The following DISP3 variants were observed in gnomAD, a reference collection of about 807,000 sequenced individuals.
DISP3 encodes the protein dispatched RND transporter family member 3.
In DISP3, 101 loss-of-function variants were observed where a neutral mutation model predicts 135.3. The observed-to-expected ratio is 0.75, with a 90% CI of 0.64 to 0.88. The LOEUF (loss-of-function observed/expected upper bound fraction) is 0.88. Among genes scored for constraint, DISP3 ranks in the 40% least tolerant of loss-of-function variants. The pLI, the probability that DISP3 is intolerant of heterozygous loss-of-function variation, is 0.00. For missense variants in DISP3, 1,713 were observed against 1,878.6 expected (o/e 0.91, Z 1.63); for synonymous variants, 856 against 817.0 (o/e 1.05, Z -0.81).
rs201820638 is a variant in DISP3, at chr1:11,536,541, C to T, written c.4034C>T (p.Ala1345Val). 39 of 1,612,776 alleles carry T rather than the reference C, an allele frequency of 2.4e-5. No homozygotes were observed. Among genetic ancestry groups the T allele is most frequent in the Admixed American group, 5.0e-5 (3 of 60,010 alleles). ...TVSTALLGIM[A>V]PSSFTRTRTS... Reference sequence around the variant, plus strand: ...AGCACCGCCCTGCTGGGCATCATGGCGCCCAGCTCTTTCACTCGGACCCGG... The same window carrying T: ...AGCACCGCCCTGCTGGGCATCATGGTGCCCAGCTCTTTCACTCGGACCCGG... Residue 1345 changes from alanine (A) to valine (V), a missense_variant, in exon 21 of 21, where the codon GCG (alanine) becomes GTG (valine). This residue lies in a region of DISP3 where 1,142 missense variants were observed against 1,384.6 expected (regional missense o/e 0.82). Coordinates refer to ENST00000294484, the MANE Select transcript of DISP3 (RefSeq NM_020780.2). This position sits in a 1 kb window ranked among gnomAD's most constrained non-coding sequence, Gnocchi z 4.3.
rs756766470 is a variant in DISP3 at position 11,519,437 on chromosome 1, C to G, written c.1972C>G (p.Pro658Ala). ...CGCTCCCGAGCAGGTTGGAGGCAGC[C>G]CTGCCCAGGGCCCCATACCCTACCT... Reference protein sequence around the residue: ...FAAPEQVGGSPAQGPIPYLDD... With the variant: ...FAAPEQVGGSAAQGPIPYLDD... The change falls in exon 8 of 21, where the codon CCT (proline) becomes GCT (alanine). Residue 658 changes from proline (P) to alanine (A), a missense_variant. Pro to Ala is a conservative substitution (Grantham distance 27). Transcript: ENST00000294484. This position sits in a 1 kb window ranked among gnomAD's most constrained non-coding sequence, Gnocchi z 4.3. 6 of 1,613,812 alleles carry G rather than the reference C, an allele frequency of 3.7e-6. No individual in the cohort carries two copies. The highest frequency in any genetic ancestry group is 1.3e-5 in the African/African-American group (1 of 75,044).
chr1:11,516,024 A>G lies in DISP3; in HGVS notation c.1612A>G (p.Ile538Val), dbSNP rs775185756. 1 of 1,613,984 alleles carries G rather than the reference A, an allele frequency of 6.2e-7. No individual in the cohort carries two copies. Among genetic ancestry groups the G allele is most frequent in the South Asian group, 1.1e-5 (1 of 91,066 alleles). ...GIGVDDVFVF[I>V]NTYRQATHLE... ...AGGTGTGGACGATGTCTTTGTGTTC[A>G]TCAACACCTACCGCCAGGCCACCCA... The change falls in exon 6 of 21, where the codon ATC (isoleucine) becomes GTC (valine). Residue 538 changes from isoleucine to valine, a missense_variant. Around this residue, in one of 2 missense-constraint regions of DISP3, gnomAD observed 1,142 missense variants for 1,384.6 expected, o/e 0.82. Coordinates refer to ENST00000294484, the MANE Select transcript of DISP3 (RefSeq NM_020780.2). This position sits in a 1 kb window ranked among gnomAD's most constrained non-coding sequence, Gnocchi z 5.1.
At position 11,510,302 on chromosome 1, in the gene DISP3, A is replaced by G. The variant is rs143856353; in HGVS notation, c.1317-4088A>G. On this transcript the variant is annotated intron_variant, in intron 3 of 20. Coordinates refer to ENST00000294484, the MANE Select transcript of DISP3 (RefSeq NM_020780.2). ...TGAATGTTTTTTATGATTCTATTTTATCTCCTTTGTTGGCTTTTATGTTGT... is the reference window on the plus strand; with the variant it reads ...TGAATGTTTTTTATGATTCTATTTTGTCTCCTTTGTTGGCTTTTATGTTGT... Among the ~76,000 whole-genome samples, 817 of 151,760 alleles carry G rather than the reference A, an allele frequency of 5.4e-3. 2 individuals carry two copies. Among genetic ancestry groups the G allele is most frequent in the Non-Finnish European group, 8.5e-3 (578 of 67,898 alleles).
intron 13 of DISP3, among the ~76,000 whole-genome samples, chr1:11,527,547 C>CAAAA (rs35666879): frequency 8.1e-6 from 1 of 123,314 alleles, no homozygotes; most frequent in Non-Finnish European, 1.7e-5. Context: ...GACTCCATCT[C>CAAAA]AAAAAAAAAA....
chr1:11,488,782 G>GAGA (rs1474228238), intron 1 of DISP3, among the ~76,000 whole-genome samples: 2 of 152,188 alleles, frequency 1.3e-5, no homozygotes, highest in Non-Finnish European at 2.9e-5. Context: ...CTACCACAGT[G>GAGA]AGAAGGGTAC....
chr1:11,489,493 C>T (rs186443346), intron 1 of DISP3, among the ~76,000 whole-genome samples: 3 of 152,340 alleles, frequency 2.0e-5, no homozygotes, highest in South Asian at 2.1e-4. Context: ...GGCCCCTGTG[C>T]GTGCTCCCCT....
rs890861686 is a variant in DISP3 at position 11,535,193 on chromosome 1, C to T, written c.3649+69C>T. 8.0e-5 allele frequency: 114 copies of T among 1,426,828 alleles called. No individual in the cohort carries two copies. The African/African-American group carries it at 1.2e-3, about 15-fold the overall frequency. The allele number at this position is 1,426,828 out of a possible 1,614,324, so 88.4% of individuals were successfully genotyped here. ...GGAACAGACAGTCTCCCCGGTGGCC[C>T]CAGGTAGCCTCCAGGCCTCTGAACC... On this transcript the variant is annotated intron_variant, in intron 19 of 20. Coordinates refer to ENST00000294484, the MANE Select transcript of DISP3 (RefSeq NM_020780.2).
intron 6 of DISP3, among the ~76,000 whole-genome samples, 170 bp from the exon 7 acceptor site, chr1:11,517,293 T>C (rs1642038794): frequency 6.6e-6 from 1 of 152,226 alleles, no homozygotes; most frequent in Non-Finnish European, 1.5e-5. Flanking sequence ...CCTTGGCTCC[T>C]GGTGTCCTGT....
intron 10 of DISP3, among the ~76,000 whole-genome samples, chr1:11,523,272 G>A (rs556244468): frequency 2.6e-5 from 4 of 152,158 alleles, no homozygotes; most frequent in African/African-American, 9.7e-5. Context: ...AACACACAAC[G>A]CTTGAGGCAA....
chr1:11,485,875 C>A (rs1033651373), intron 1 of DISP3, among the ~76,000 whole-genome samples: 2 of 152,134 alleles, frequency 1.3e-5, no homozygotes, highest in Non-Finnish European at 2.9e-5. Context: ...GGAGATGGGA[C>A]CCAGCTGCCA....
At chr1:11,512,988 A>C (rs1306334445) in intron 3 of DISP3, among the ~76,000 whole-genome samples, 1 of 152,166 alleles carries the variant, frequency 6.6e-6, no homozygotes. Context: ...TAAGTCTAGC[A>C]CGGGAAAGAC....
chr1:11,522,673 ACCCAGCCAGAGCCCAGCCAGGG>A (rs1642251946), intron 10 of DISP3, among the ~76,000 whole-genome samples: 40 of 74,310 alleles, frequency 5.4e-4, no homozygotes, highest in African/African-American at 1.7e-3. Flanking sequence ...CCCAGCCAGG[ACCCAGCCAGAGCCCAGCCAGGG>A]CCCAGCCAGG....
Position 11,531,474 on chromosome 1 carries a change from G to A in DISP3, c.3230-91G>A. On this transcript the variant is annotated intron_variant, in intron 16 of 20. Coordinates refer to ENST00000294484, the MANE Select transcript of DISP3 (RefSeq NM_020780.2). The surrounding 1 kb of genome is among the most constrained non-coding windows in gnomAD (Gnocchi z 5.2). Reference sequence around the variant, plus strand: ...ATGGTTACAAGCACTCTAAGCCTCAGAGGTATGTGAGTGCGTGGGCACAGG... The same window carrying A: ...ATGGTTACAAGCACTCTAAGCCTCAAAGGTATGTGAGTGCGTGGGCACAGG... The A allele has an allele frequency of 6.4e-7, 1 of 1,562,370 alleles. No individual in the cohort carries two copies. The highest frequency in any genetic ancestry group is 8.8e-7 in the Non-Finnish European group (1 of 1,137,266).
chr1:11,518,318 CCAG>C (rs1373495531), intron 7 of DISP3, among the ~76,000 whole-genome samples: 30 of 152,276 alleles, frequency 2.0e-4, no homozygotes, highest in African/African-American at 6.3e-4. Flanking sequence ...AGAGAAGGGC[CCAG>C]CGAGGAGCTT....
rs79128255 is a variant in DISP3 at position 11,502,872 on chromosome 1, G to A, written c.1291G>A (p.Ala431Thr). ...KFQSFVVTYVAMLAKQSTSKV... is the reference protein window; with the variant it reads ...KFQSFVVTYVTMLAKQSTSKV... ...TCAGAGCTTCGTGGTCACCTACGTG[G>A]CCATGCTGGCCAAGCAGTCTACCAG... Residue 431 changes from alanine to threonine, a missense_variant, in exon 3 of 21, where the codon GCC (alanine) becomes ACC (threonine). Coordinates refer to ENST00000294484, the MANE Select transcript of DISP3 (RefSeq NM_020780.2). 3 of 1,613,686 alleles carry A rather than the reference G, an allele frequency of 1.9e-6. No homozygotes were observed. The highest frequency in any genetic ancestry group is 2.5e-6 in the Non-Finnish European group (3 of 1,179,734).
intron 1 of DISP3, among the ~76,000 whole-genome samples, chr1:11,484,798 A>T (rs1256438468): frequency 6.6e-6 from 1 of 152,122 alleles, no homozygotes; most frequent in Non-Finnish European, 1.5e-5. Context: ...ATGGATTTAG[A>T]TTCTAGCAGG....
chr1:11,533,582 C>T lies in DISP3; in HGVS notation c.3376-799C>T, dbSNP rs146960578. ...GGTGACTGGCTCATTTTACTCAGTG[C>T]AAGGTTCACCATGTTGCAGCAAGTG... On this transcript the variant is annotated intron_variant, in intron 17 of 20. Coordinates refer to ENST00000294484, the MANE Select transcript of DISP3 (RefSeq NM_020780.2). The T allele has an allele frequency of 1.3e-3, 770 of 603,362 alleles. 2 individuals carry two copies. The highest frequency in any genetic ancestry group is 0.013 in the African/African-American group (692 of 54,236). The allele number at this position is 603,362 out of a possible 1,614,324, so 37.4% of individuals were successfully genotyped here. A position where few individuals can be genotyped will look rare whatever the true frequency, so the allele number is the denominator to read the frequency against.
At chr1:11,485,261 A>G (rs1163576460) in intron 1 of DISP3, among the ~76,000 whole-genome samples, 3 of 152,140 alleles carry the variant, frequency 2.0e-5, no homozygotes, top group Non-Finnish European at 4.4e-5. Flanking sequence ...GTCAGGAGGA[A>G]GGTTTCCTGT....
At chr1:11,517,708 C>T in intron 7 of DISP3, 106 bp downstream of exon 7, 1 of 1,392,990 alleles carries the variant, frequency 7.2e-7, no homozygotes, top group Non-Finnish European at 9.8e-7. Context: ...ATGACCAGTC[C>T]TTTGCTAGGC....
Sources: allele counts gnomAD v4.1 joint callset (sites outside exome capture counted in the v4.1 genomes callset), GRCh38; gene constraint gnomAD v4.1.1; regional missense constraint gnomAD v4.1.1; non-coding constraint Gnocchi (gnomAD v3.1); transcripts MANE v1.5; gene names NCBI Gene and HGNC (gene_info 2026-07-23, HGNC 2026-07-21).